The following STAB2 variants were observed in gnomAD, a reference collection of about 807,000 sequenced individuals.
STAB2 encodes the protein stabilin-2.
STAB2 carries 288 observed loss-of-function variants against 338.1 expected under a neutral mutation model. That is an observed-to-expected ratio of 0.85 (90% CI 0.77 to 0.94). The LOEUF (loss-of-function observed/expected upper bound fraction) is 0.94. STAB2 is among the 40% of genes least tolerant of loss of function. The pLI, the probability that STAB2 is intolerant of heterozygous loss-of-function variation, is 0.00. For synonymous variants in STAB2, 1,202 were observed against 1,193.3 expected, an observed-to-expected ratio of 1.01 and a Z score of -0.15; for missense variants, 3,141 against 3,210.1, an observed-to-expected ratio of 0.98 and a Z score of 0.52.
At chr12:103,619,443 C>G (rs1957262821) in intron 3 of STAB2, among the ~76,000 whole-genome samples, 1 of 152,148 alleles carries the variant, frequency 6.6e-6, no homozygotes, top group South Asian at 2.1e-4. Context: ...ACTTCTGTCA[C>G]TTGCCATAAT....
At chr12:103,686,160 G>A (rs1423234166) in intron 27 of STAB2, among the ~76,000 whole-genome samples, 3 of 152,052 alleles carry the variant, frequency 2.0e-5, no homozygotes, top group Non-Finnish European at 4.4e-5. Context: ...CCCTGCTGTT[G>A]AGTTCCTGCC....
chr12:103,727,313 T>G lies in STAB2; in HGVS notation c.4898T>G (p.Phe1633Cys). ...DLVGPGPFTV[F>C]APLSAAFDEE... Reference sequence around the variant, plus strand: ...GTCGGCCCAGGCCCCTTCACTGTTTTTGCACCTTTATCTGCAGCCTTTGAT... The same window carrying G: ...GTCGGCCCAGGCCCCTTCACTGTTTGTGCACCTTTATCTGCAGCCTTTGAT... The change falls in exon 47 of 69, where the codon TTT (phenylalanine) becomes TGT (cysteine). Residue 1633 changes from phenylalanine to cysteine, a missense_variant. Phe to Cys is a radical substitution (Grantham distance 205, BLOSUM62 -2). Transcript: ENST00000388887. 6.2e-7 allele frequency: 1 copy of G among 1,614,266 alleles called. No homozygotes were observed. The highest frequency in any genetic ancestry group is 8.5e-7 in the Non-Finnish European group (1 of 1,180,036).
chr12:103,737,676 C>T lies in STAB2; in HGVS notation c.5593C>T (p.Arg1865Trp), dbSNP rs1275232339. ...LNGQTCRIVQRELLFDLGVAY... is the reference protein window; with the variant it reads ...LNGQTCRIVQWELLFDLGVAY... ...TGGCCAAACCTGCAGAATTGTGCAG[C>T]GGGAGCTCTTGTTTGACCTGGGTGT... is the stretch of plus-strand genomic sequence containing the variant. Residue 1865 changes from arginine to tryptophan, a missense_variant, in exon 53 of 69, where the codon CGG (arginine) becomes TGG (tryptophan). Transcript: ENST00000388887. 6.2e-6 allele frequency: 10 copies of T among 1,607,440 alleles called. No individual in the cohort carries two copies. Among genetic ancestry groups the T allele is most frequent in the Middle Eastern group, 1.7e-4 (1 of 5,972 alleles).
Position 103,702,384 on chromosome 12 carries a change from C to T in STAB2, c.3715-764C>T, listed in dbSNP as rs568743956. On this transcript the variant is annotated intron_variant, in intron 34 of 68. Coordinates refer to ENST00000388887, the MANE Select transcript of STAB2 (RefSeq NM_017564.10). ...TGCGATCTCGGCTCACTGCAAGCTC[C>T]GCTTCCCGGGTTCACGCCGTTCTCC... is the stretch of plus-strand genomic sequence containing the variant. Among the ~76,000 whole-genome samples the T allele has an allele frequency of 1.8e-4, 27 of 151,984 alleles. No individual in the cohort carries two copies. The East Asian group carries it at 4.5e-3, about 25-fold the overall frequency.
In STAB2 at chr12:103,737,741, G is replaced by T. The variant is rs765937109; in HGVS notation, c.5658G>T (p.Leu1886=). ...ACTGTCTGCTGATTGATCCCACCCT[G>T]GGGGGCCGCTGTGACACCTTTACTA... The part of the protein sequence containing the change: ...GIDCLLIDPT[L]GGRCDTFTTF... Residue 1886 remains leucine, a synonymous_variant, in exon 53 of 69, where the codon CTG becomes CTT. Coordinates refer to ENST00000388887, the MANE Select transcript of STAB2 (RefSeq NM_017564.10). 1.2e-6 allele frequency: 2 copies of T among 1,613,646 alleles called. No individual in the cohort carries two copies. The highest frequency in any genetic ancestry group is 1.7e-5 in the Admixed American group (1 of 59,964).
At chr12:103,697,705 A>G (rs1393502053) in intron 33 of STAB2, among the ~76,000 whole-genome samples, 1 of 152,252 alleles carries the variant, frequency 6.6e-6, no homozygotes, top group East Asian at 1.9e-4. Context: ...TGAGAATTTG[A>G]TAGAATGAAT....
chr12:103,643,459 T>G (rs995050816), intron 9 of STAB2, among the ~76,000 whole-genome samples: 3 of 152,106 alleles, frequency 2.0e-5, no homozygotes, highest in Non-Finnish European at 4.4e-5. Context: ...GCTCCTTCAA[T>G]GGCCAGCCTA....
intron 3 of STAB2, among the ~76,000 whole-genome samples, chr12:103,613,798 T>C (rs1957167439): frequency 6.6e-6 from 1 of 152,190 alleles, no homozygotes; most frequent in Non-Finnish European, 1.5e-5. Context: ...AGCTGTAGAC[T>C]GGAGCTGTTC....
At position 103,731,620 on chromosome 12, in the gene STAB2, T is replaced by A; in HGVS notation, c.5268T>A (p.Phe1756Leu). 1 of 1,613,788 alleles carries A rather than the reference T, an allele frequency of 6.2e-7. No homozygotes were observed. ...TLATNNGYIK[F>L]SNLIQDSGLL... Reference sequence around the variant, plus strand: ...CAACAAACAATGGCTACATCAAATTTAGCAACTTAATACAGGTAAAAATTT... The same window carrying A: ...CAACAAACAATGGCTACATCAAATTAAGCAACTTAATACAGGTAAAAATTT... Residue 1756 changes from phenylalanine (F) to leucine (L), a missense_variant, in exon 50 of 69, where the codon TTT becomes TTA. Coordinates refer to ENST00000388887, the MANE Select transcript of STAB2 (RefSeq NM_017564.10).
Position 103,727,284 on chromosome 12 carries a change from T to G in STAB2, c.4869T>G (p.Asp1623Glu). The change falls in exon 47 of 69, where the codon GAT (aspartate) becomes GAG (glutamate). Residue 1623 changes from aspartate to glutamate, a missense_variant. Physicochemically the swap from Asp to Glu is conservative, Grantham distance 45. Transcript: ENST00000388887. The stretch of plus-strand genomic sequence containing the variant: ...TCCCACAGGAGCATTTCGTGAAAGA[T>G]CTGGTCGGCCCAGGCCCCTTCACTG... ...FFQLQEHFVK[D>E]LVGPGPFTVF... 3 of 1,614,230 alleles carry G rather than the reference T, an allele frequency of 1.9e-6. No individual in the cohort carries two copies. The highest frequency in any genetic ancestry group is 2.5e-6 in the Non-Finnish European group (3 of 1,180,024).
chr12:103,747,905 G>A (rs1883195524), intron 58 of STAB2, among the ~76,000 whole-genome samples: 1 of 147,874 alleles, frequency 6.8e-6, no homozygotes, highest in South Asian at 2.2e-4. Context: ...TGAGGCAGGA[G>A]AATCACCTGA....
intron 39 of STAB2, 132 bp downstream of exon 39, chr12:103,708,668 CA>C (rs1158583175): frequency 3.7e-6 from 3 of 818,792 alleles, no homozygotes; most frequent in Admixed American, 3.0e-5. Context: ...TTTCTTGCAG[CA>C]AAAAGTTTGT....
At chr12:103,654,213 T>G (rs1280455930) in intron 12 of STAB2, among the ~76,000 whole-genome samples, 2 of 152,274 alleles carry the variant, frequency 1.3e-5, no homozygotes, top group Non-Finnish European at 2.9e-5. Context: ...GTGCTTTCTC[T>G]GTGCAAGACA....
intron 25 of STAB2, among the ~76,000 whole-genome samples, chr12:103,681,932 A>AC (rs1876947056): frequency 6.6e-6 from 1 of 151,922 alleles, no homozygotes; most frequent in East Asian, 1.9e-4. Flanking sequence ...TTCAAGGCCC[A>AC]CCCTACTCCA....
chr12:103,750,697 A>G lies in STAB2; in HGVS notation c.6557A>G (p.Lys2186Arg). ...AATGGGCAGTGCCATGCAGACGCCA[A>G]ATGTGTCGACCTCCACTTCCAGGGT... ...QDNGQCHADA[K>R]CVDLHFQDTT... The change falls in exon 60 of 69, where the codon AAA becomes AGA. Residue 2186 changes from lysine to arginine, a missense_variant. Coordinates refer to ENST00000388887, the MANE Select transcript of STAB2 (RefSeq NM_017564.10). 1 of 1,613,978 alleles carries G rather than the reference A, an allele frequency of 6.2e-7. No individual in the cohort carries two copies. The highest frequency in any genetic ancestry group is 8.5e-7 in the Non-Finnish European group (1 of 1,179,840).
chr12:103,719,182 C>G (rs1472661629), intron 44 of STAB2, among the ~76,000 whole-genome samples: 1 of 152,158 alleles, frequency 6.6e-6, no homozygotes, highest in Non-Finnish European at 1.5e-5. Context: ...CTGTCACATC[C>G]GGAGCAGTTT....
rs769318867 is a variant in STAB2, at chr12:103,761,406, C to A, written c.7355C>A (p.Pro2452His). The A allele has an allele frequency of 5.0e-6, 8 of 1,613,404 alleles. No individual in the cohort carries two copies. The South Asian group carries it at 8.8e-5, about 18-fold the overall frequency. ...ISRPLKAPPA[P>H]VTLTHTGLGA... ...AGGCCTTTAAAAGCACCCCCTGCCC[C>A]CGTGGTGAGTATCTAGGGTCCCTGA... Residue 2452 changes from proline (P) to histidine (H), a missense_variant, in exon 66 of 69, where the codon CCC (proline) becomes CAC (histidine). Physicochemically the swap from Pro to His is moderately conservative, Grantham distance 77. Transcript: ENST00000388887.
rs200145904 is a variant in STAB2, at chr12:103,762,384, C to T, written c.7470C>T (p.Ile2490=). Residue 2490 remains isoleucine (I), a synonymous_variant, in exon 67 of 69, where the codon ATC becomes ATT. Transcript: ENST00000388887. ...YSYFRINRRT[I]GFQHFESEED... is the part of the protein sequence containing the mutation. ...ACTTTCGGATAAACCGGAGAACAAT[C>T]GGCTTCCAGCATTTTGAGGTAAGAG... 14 of 1,614,120 alleles carry T rather than the reference C, an allele frequency of 8.7e-6. No homozygotes were observed. Among genetic ancestry groups the T allele is most frequent in the East Asian group, 6.7e-5 (3 of 44,898 alleles).
intron 3 of STAB2, among the ~76,000 whole-genome samples, chr12:103,600,285 G>T (rs771784288): frequency 2.0e-5 from 3 of 152,130 alleles, no homozygotes; most frequent in Non-Finnish European, 4.4e-5. Context: ...CTTTCTATGG[G>T]TGGACCCAAT....
Sources: allele counts gnomAD v4.1 joint callset (sites outside exome capture counted in the v4.1 genomes callset), GRCh38; gene constraint gnomAD v4.1.1; transcripts MANE v1.5; gene names NCBI Gene and HGNC (gene_info 2026-07-23, HGNC 2026-07-21).